DAP: variants seen among roughly 807,000 people sequenced by gnomAD.
DAP encodes death associated protein, also known as death-associated protein 1.
In DAP, 8 loss-of-function variants were observed where a neutral mutation model predicts 13.8. The observed-to-expected ratio is 0.58, with a 90% CI of 0.34 to 1.05. The LOEUF is 1.05. DAP is among the 50% of genes least tolerant of loss of function. DAP has a pLI of 0.03. For synonymous variants in DAP, 47 were observed against 47.5 expected (o/e 0.99, Z 0.04); for missense variants, 106 against 133.2 (o/e 0.80, Z 1.01).
At chr5:10,752,695 CGTATGTGCTTGT>C (rs1740076312) in intron 1 of DAP, among the ~76,000 whole-genome samples, 1 of 152,024 alleles carries the variant, frequency 6.6e-6, no homozygotes, top group Admixed American at 6.5e-5. Flanking sequence ...TGTGTGCATA[CGTATGTGCTTGT>C]GTGTGTGGCT....
chr5:10,685,548 A>G (rs1025345858), intron 2 of DAP, among the ~76,000 whole-genome samples: 2 of 152,236 alleles, frequency 1.3e-5, no homozygotes. Context: ...TGGCAGCACA[A>G]AGTTTCTTAA....
In DAP at chr5:10,707,492, T is replaced by C. The variant is rs976828916; in HGVS notation, c.153-23921A>G. Among the ~76,000 whole-genome samples the C allele has an allele frequency of 6.6e-6, 1 of 152,210 alleles. No individual in the cohort carries two copies. The highest frequency in any genetic ancestry group is 1.5e-5 in the Non-Finnish European group (1 of 68,028). On this transcript the variant is annotated intron_variant, in intron 2 of 3. Coordinates refer to ENST00000230895, the MANE Select transcript of DAP (RefSeq NM_004394.3). The surrounding 1 kb of genome is among the most constrained non-coding windows in gnomAD (Gnocchi z 4.0). ...CGGGTGATGTGGTGCATAAACTATG[T>C]GGTGCACAGGCAGTGTGATGCATAG...
At chr5:10,708,795 A>T (rs991259656) in intron 2 of DAP, among the ~76,000 whole-genome samples, 1 of 152,222 alleles carries the variant, frequency 6.6e-6, no homozygotes, top group Non-Finnish European at 1.5e-5. Flanking sequence ...GATGCTGTGA[A>T]ATGTTCTCAG....
intron 2 of DAP, among the ~76,000 whole-genome samples, chr5:10,691,302 A>G (rs1738301784): frequency 6.6e-6 from 1 of 152,256 alleles, no homozygotes; most frequent in Admixed American, 6.5e-5. Context: ...GGTTTTCATC[A>G]AGTTTGGCCC....
chr5:10,680,450 T>G lies in DAP; in HGVS notation c.*606A>C. On this transcript the variant is annotated 3_prime_UTR_variant, in exon 4 of 4. Coordinates refer to ENST00000230895, the MANE Select transcript of DAP (RefSeq NM_004394.3). ...CCTCATTCTTTGGCATGTTGACTCCTGGAATTGAGGGGCTATTTCTAAGAT... is the reference window on the plus strand; with the variant it reads ...CCTCATTCTTTGGCATGTTGACTCCGGGAATTGAGGGGCTATTTCTAAGAT... The G allele has an allele frequency of 2.2e-6, 1 of 463,446 alleles. No individual in the cohort carries two copies. The highest frequency in any genetic ancestry group is 3.8e-6 in the Non-Finnish European group (1 of 261,126). 28.7% of individuals were successfully genotyped at this position (463,446 alleles called of 1,614,324 possible). A position where few individuals can be genotyped will look rare whatever the true frequency, so the allele number is the denominator to read the frequency against.
At chr5:10,738,045 C>T (rs1223443800) in intron 2 of DAP, among the ~76,000 whole-genome samples, 1 of 152,224 alleles carries the variant, frequency 6.6e-6, no homozygotes, top group Non-Finnish European at 1.5e-5. Context: ...CCACCAGAAG[C>T]TAGGGGAGCA....
At chr5:10,725,049 T>A (rs896046888) in intron 2 of DAP, among the ~76,000 whole-genome samples, 2 of 152,208 alleles carry the variant, frequency 1.3e-5, no homozygotes, top group African/African-American at 2.4e-5. Context: ...GCTGCATTTG[T>A]TTCTATCTCT....
intron 2 of DAP, among the ~76,000 whole-genome samples, chr5:10,713,774 T>G (rs975725084): frequency 1.3e-5 from 2 of 152,262 alleles, no homozygotes; most frequent in Non-Finnish European, 2.9e-5. Flanking sequence ...AGTGCTGCTG[T>G]GTTTATTCCT....
intron 2 of DAP, among the ~76,000 whole-genome samples, chr5:10,701,479 G>C (rs1337624381): frequency 1.3e-5 from 2 of 152,156 alleles, no homozygotes; most frequent in Non-Finnish European, 2.9e-5. Context: ...GGTTTTCAAG[G>C]ATGTAAGTAC....
In DAP at chr5:10,744,787, G is replaced by T. The variant is rs113724896; in HGVS notation, c.152+3388C>A. 4.4e-3 allele frequency among the ~76,000 whole-genome samples: 671 copies of T among 152,340 alleles called. 4 individuals are homozygous for T. The highest frequency in any genetic ancestry group is 0.021 in the South Asian group (103 of 4,830). The stretch of plus-strand genomic sequence containing the variant: ...CACTAAATTCAACGTGAAGCACTTA[G>T]CAGGTGCCCAGCACAAAACAAGAGC... On this transcript the variant is annotated intron_variant, in intron 2 of 3. Transcript: ENST00000230895.
At chr5:10,722,581 TATATAC>T (rs1318820610) in intron 2 of DAP, among the ~76,000 whole-genome samples, 4 of 120,668 alleles carry the variant, frequency 3.3e-5, no homozygotes, top group African/African-American at 1.3e-4. Context: ...TACATACATA[TATATAC>T]ATATATACAT....
At chr5:10,729,673 T>C (rs557954749) in intron 2 of DAP, among the ~76,000 whole-genome samples, 47 of 152,340 alleles carry the variant, frequency 3.1e-4, no homozygotes, top group African/African-American at 1.1e-3. Flanking sequence ...ACATTCTGAC[T>C]AGCACACCAA....
chr5:10,728,414 C>T (rs939508043), intron 2 of DAP, among the ~76,000 whole-genome samples: 1 of 151,918 alleles, frequency 6.6e-6, no homozygotes, highest in Non-Finnish European at 1.5e-5. Flanking sequence ...TAGACTGAGC[C>T]CAAAGGATAG....
In DAP at chr5:10,686,089, C is replaced by T. The variant is rs180684774; in HGVS notation, c.153-2518G>A. Among the ~76,000 whole-genome samples the T allele has an allele frequency of 5.0e-3, 761 of 152,284 alleles. 6 individuals carry two copies. The highest frequency in any genetic ancestry group is 0.017 in the African/African-American group (719 of 41,540). ...TATGTCTGTTACAGTGATCTGTGGT[C>T]ATTGATCTTTGATGTTACTACTGTA... On this transcript the variant is annotated intron_variant, in intron 2 of 3. Transcript: ENST00000230895.
At position 10,686,382 on chromosome 5, in the gene DAP, C is replaced by T. The variant is rs141681652; in HGVS notation, c.153-2811G>A. Reference sequence around the variant, plus strand: ...AAAAGCTAGAAATGACCCAGCTTAGCGAGGAAGACATGTCGGAAGCTCAGA... The same window carrying T: ...AAAAGCTAGAAATGACCCAGCTTAGTGAGGAAGACATGTCGGAAGCTCAGA... On this transcript the variant is annotated intron_variant, in intron 2 of 3. Coordinates refer to ENST00000230895, the MANE Select transcript of DAP (RefSeq NM_004394.3). 4.8e-3 allele frequency among the ~76,000 whole-genome samples: 730 copies of T among 150,704 alleles called. 4 individuals carry two copies. The highest frequency in any genetic ancestry group is 0.021 in the South Asian group (103 of 4,830).
intron 2 of DAP, among the ~76,000 whole-genome samples, chr5:10,738,426 A>G (rs754908849): frequency 9.2e-5 from 14 of 152,254 alleles, no homozygotes; most frequent in African/African-American, 1.2e-4. Flanking sequence ...ATCACCGGCC[A>G]TGAGATGGGG....
intron 2 of DAP, among the ~76,000 whole-genome samples, chr5:10,715,922 G>C (rs1039905406): frequency 1.3e-5 from 2 of 152,224 alleles, no homozygotes; most frequent in African/African-American, 4.8e-5. Flanking sequence ...GAAACCTCTC[G>C]ATAATACACC....
intron 2 of DAP, among the ~76,000 whole-genome samples, chr5:10,693,846 T>C (rs1383438094): frequency 1.1e-4 from 16 of 152,248 alleles, no homozygotes; most frequent in Admixed American, 9.2e-4. Flanking sequence ...ACTTTCTGAC[T>C]TGATAGTGGA....
At chr5:10,759,418 A>C (rs530557537) in intron 1 of DAP, among the ~76,000 whole-genome samples, 2 of 152,250 alleles carry the variant, frequency 1.3e-5, no homozygotes, top group African/African-American at 4.8e-5. Flanking sequence ...GAAGTCAGTT[A>C]TCCTTAAAAG....
Sources: allele counts gnomAD v4.1 joint callset (sites outside exome capture counted in the v4.1 genomes callset), GRCh38; gene constraint gnomAD v4.1.1; non-coding constraint Gnocchi (gnomAD v3.1); transcripts MANE v1.5; gene names NCBI Gene and HGNC (gene_info 2026-07-23, HGNC 2026-07-21).